CHD4: variants seen among roughly 807,000 people sequenced by gnomAD.
The protein encoded by CHD4 is chromodomain helicase DNA binding protein 4.
A neutral mutation model predicts 235.5 loss-of-function variants in CHD4; 35 were observed. The observed-to-expected ratio is 0.15, with a 90% confidence interval of 0.11 to 0.20. The LOEUF (loss-of-function observed/expected upper bound fraction) is 0.20. Ranked by LOEUF, CHD4 falls within the 10% of genes least tolerant of loss-of-function variation. The pLI, the probability that CHD4 is intolerant of heterozygous loss-of-function variation, is 1.00. For missense variants in CHD4, 1,329 were observed against 2,432.3 expected (o/e 0.55, Z 9.54); for synonymous variants, 900 against 850.2 (o/e 1.06, Z -1.02).
In CHD4 at chr12:6,602,151, C is replaced by T. The variant is rs766680001; in HGVS notation, c.247G>A (p.Gly83Arg). The T allele has an allele frequency of 1.1e-5, 17 of 1,613,958 alleles. No homozygotes were observed. Among genetic ancestry groups the T allele is most frequent in the Non-Finnish European group, 1.3e-5 (15 of 1,179,950 alleles). Residue 83 changes from glycine to arginine, a missense_variant, in exon 4 of 40, where the codon GGG (glycine) becomes AGG (arginine). Around this residue, in one of 26 missense-constraint regions of CHD4, gnomAD observed 213 missense variants for 177.5 expected, o/e 1.20. Transcript: ENST00000544040. ...TCTGGCCCCTCCCCAGAGCTGTCCCCCAGCTGCCGGCATAAGAGCATACGC... is the reference window on the plus strand; with the variant it reads ...TCTGGCCCCTCCCCAGAGCTGTCCCTCAGCTGCCGGCATAAGAGCATACGC... The part of the protein sequence containing the change: ...KERMLLCRQL[G>R]DSSGEGPEFV...
In CHD4 at chr12:6,581,431, G is replaced by C. The variant is rs200698074; in HGVS notation, c.4682-43C>G. 173 of 1,585,328 alleles carry C rather than the reference G, an allele frequency of 1.1e-4. 1 individual carries two copies. The African/African-American group carries it at 1.7e-3, about 16-fold the overall frequency. On this transcript the variant is annotated intron_variant, in intron 31 of 39. Transcript: ENST00000544040. ...ACAATCAATTAGGAAGAAGGTACTA[G>C]ATCAGAGAGAAGGTCATTTCTTCCC...
chr12:6,580,233 A>C (rs1565603650), intron 33 of CHD4: 1 of 148,096 alleles, frequency 6.8e-6, no homozygotes, highest in East Asian at 2.0e-4. Flanking sequence ...TCTCGAAAAC[A>C]ACAACAACAA....
In CHD4 at chr12:6,578,073, G is replaced by T. The variant is rs1224403905; in HGVS notation, c.5184C>A (p.Ile1728=). The T allele has an allele frequency of 1.2e-6, 2 of 1,613,166 alleles. No homozygotes were observed. The part of the protein sequence containing the change: ...AATVTKKTYE[I]WHRRHDYWLL... ...GCCAGTAGTCATGCCGTCGATGCCA[G>T]ATCTCATAAGTCTTCTTGGTAACTG... Residue 1728 remains isoleucine (I), a synonymous_variant, in exon 36 of 40, where the codon ATC becomes ATA. Transcript: ENST00000544040.
At position 6,593,054 on chromosome 12, in the gene CHD4, A is replaced by C. The variant is rs1257082726; in HGVS notation, c.2652+37T>G. 1.9e-6 allele frequency: 3 copies of C among 1,609,014 alleles called. No individual in the cohort carries two copies. In the African/African-American group the frequency reaches 4.0e-5, roughly 22 times the overall value. ...GAATTGGTAGTACTAGAAAAAACCC[A>C]AAGTGGGGGCTCCAACATCCCTCCC... On this transcript the variant is annotated intron_variant, in intron 17 of 39. Coordinates refer to ENST00000544040, the MANE Select transcript of CHD4 (RefSeq NM_001273.5). The surrounding 1 kb of genome is among the most constrained non-coding windows in gnomAD (Gnocchi z 4.9).
chr12:6,589,396 C>A (rs1369256042), intron 22 of CHD4, among the ~76,000 whole-genome samples: 2 of 152,198 alleles, frequency 1.3e-5, no homozygotes, highest in East Asian at 3.8e-4. Flanking sequence ...GCAGGCACCA[C>A]CTTAACCAGT....
intron 23 of CHD4, 24 bp downstream of exon 23, chr12:6,588,274 A>G: frequency 6.2e-7 from 1 of 1,611,328 alleles, no homozygotes; most frequent in Non-Finnish European, 8.5e-7. Flanking sequence ...TTACTTATTA[A>G]GGCTGCCTGC....
intron 25 of CHD4, chr12:6,583,633 G>A (rs981130650): frequency 1.6e-5 from 7 of 430,758 alleles, no homozygotes; most frequent in African/African-American, 1.4e-4. Context: ...TAAGGATGAA[G>A]AGACAGAATG....
At chr12:6,603,261 C>T (rs1948629812) in intron 2 of CHD4, 1 of 152,378 alleles carries the variant, frequency 6.6e-6, no homozygotes, top group South Asian at 2.1e-4. Flanking sequence ...CTGGGTAAGA[C>T]TGAAAGCTCC....
intron 29 of CHD4, 92 bp downstream of exon 29, chr12:6,582,523 T>C: frequency 6.6e-7 from 1 of 1,506,750 alleles, no homozygotes. Context: ...AATAGCCCAC[T>C]TCCCTGCACG....
chr12:6,594,915 C>G (rs1189641104), intron 14 of CHD4, among the ~76,000 whole-genome samples: 1 of 152,168 alleles, frequency 6.6e-6, no homozygotes, highest in African/African-American at 2.4e-5. Context: ...TACAATAATT[C>G]TACTAGTCAG....
rs993402868 is a variant in CHD4 at position 6,588,244 on chromosome 12, T to A, written c.3465+54A>T. 6.9e-6 allele frequency: 11 copies of A among 1,594,090 alleles called. No homozygotes were observed. The African/African-American group carries it at 1.3e-4, about 20-fold the overall frequency. On this transcript the variant is annotated intron_variant, in intron 23 of 39. Coordinates refer to ENST00000544040, the MANE Select transcript of CHD4 (RefSeq NM_001273.5). ...GGTGGAGCCCTCATAGAGGCCACTA[T>A]GCCTTTCTAGCATAACATGTTACTT...
intron 23 of CHD4, 37 bp downstream of exon 23, chr12:6,588,261 A>G (rs1371993985): frequency 7.5e-6 from 12 of 1,607,600 alleles, no homozygotes; most frequent in Non-Finnish European, 1.0e-5. Flanking sequence ...CTAGCATAAC[A>G]TGTTACTTAT....
rs1310800008 is a variant in CHD4, at chr12:6,605,802, G to A, written c.100+472C>T. Among the ~76,000 whole-genome samples, 3 of 152,184 alleles carry A rather than the reference G, an allele frequency of 2.0e-5. No homozygotes were observed. The East Asian group carries it at 5.8e-4, about 29-fold the overall frequency. On this transcript the variant is annotated intron_variant, in intron 2 of 39. Coordinates refer to ENST00000544040, the MANE Select transcript of CHD4 (RefSeq NM_001273.5). ...AGCACAGAAAACCGGTAACCGATCA[G>A]AAGCTAAAAATAATCAGATAGAGTG...
At chr12:6,580,120 C>CA (rs1167822751) in intron 33 of CHD4, among the ~76,000 whole-genome samples, 1 of 148,128 alleles carries the variant, frequency 6.8e-6, no homozygotes, top group African/African-American at 2.5e-5. Flanking sequence ...CCCAGCTACT[C>CA]AGAGGCTGAG....
At chr12:6,597,232 C>A (rs922687529) in intron 12 of CHD4, among the ~76,000 whole-genome samples, 43 of 148,334 alleles carry the variant, frequency 2.9e-4, no homozygotes, top group African/African-American at 1.1e-3. Flanking sequence ...GCCAAGATCA[C>A]GCCACTGCAC....
At chr12:6,586,348 C>T (rs1948294267) in intron 25 of CHD4, among the ~76,000 whole-genome samples, 1 of 152,034 alleles carries the variant, frequency 6.6e-6, no homozygotes, top group African/African-American at 2.4e-5. Context: ...TTGCAGTGAG[C>T]CAAGATCGCA....
intron 17 of CHD4, 24 bp from the exon 18 acceptor site, chr12:6,592,841 T>C: frequency 6.2e-7 from 1 of 1,600,192 alleles, no homozygotes; most frequent in Non-Finnish European, 8.5e-7. Flanking sequence ...TGGAGAAAGG[T>C]GAAATCCAAT....
intron 37 of CHD4, among the ~76,000 whole-genome samples, chr12:6,577,430 A>C (rs1243331819): frequency 6.7e-6 from 1 of 148,622 alleles, no homozygotes; most frequent in African/African-American, 2.4e-5. Flanking sequence ...AAAAAAAAAA[A>C]AAAAAAAAAC....
At chr12:6,589,757 C>CT (rs1438647998) in intron 22 of CHD4, among the ~76,000 whole-genome samples, 2 of 147,908 alleles carry the variant, frequency 1.4e-5, no homozygotes, top group South Asian at 4.3e-4. Flanking sequence ...CAGAGCAAGA[C>CT]TTTGTCTCAA....
Sources: gnomAD v4.1 joint callset for allele counts (sites outside exome capture counted in the v4.1 genomes callset) on GRCh38, gnomAD v4.1.1 for gene constraint, gnomAD v4.1.1 regional missense constraint, Gnocchi (gnomAD v3.1) non-coding constraint, MANE v1.5 for transcripts, NCBI Gene and HGNC (gene_info 2026-07-23, HGNC 2026-07-21) for gene names.